VTI1A: variants seen among roughly 807,000 people sequenced by gnomAD.
VTI1A encodes vesicle transport through interaction with t-SNAREs 1A, also known as vesicle transport through interaction with t-SNAREs homolog 1A.
Under a neutral mutation model 34.9 loss-of-function variants are expected in VTI1A, and 22 were observed. The observed-to-expected ratio is 0.63, with a 90% CI of 0.45 to 0.90. The LOEUF (loss-of-function observed/expected upper bound fraction) is 0.90, where lower values mean the gene tolerates loss of function less well. Among genes scored for constraint, VTI1A ranks in the 40% least tolerant of loss-of-function variants. The pLI is 0.00. For missense variants in VTI1A, 268 were observed against 275.6 expected, an observed-to-expected ratio of 0.97 and a Z score of 0.20; for synonymous variants, 87 against 97.3, an observed-to-expected ratio of 0.89 and a Z score of 0.62.
chr10:112,835,532 G>A, the VTI1A span, among the ~76,000 whole-genome samples: 2 of 152,132 alleles, frequency 1.3e-5, no homozygotes, highest in African/African-American at 2.4e-5. Flanking sequence ...TACTGTAAAC[G>A]GCCTTTTATT....
chr10:112,822,201 A>G (rs1429144730), downstream of VTI1A, among the ~76,000 whole-genome samples: 2 of 152,056 alleles, frequency 1.3e-5, no homozygotes, highest in Admixed American at 1.3e-4. Flanking sequence ...AGCTCCCTGG[A>G]GGTTGCCCCG....
At chr10:112,727,541 G>A (rs1199692440) in intron 7 of VTI1A, among the ~76,000 whole-genome samples, 1 of 152,110 alleles carries the variant, frequency 6.6e-6, no homozygotes, top group African/African-American at 2.4e-5. Context: ...CTCATAGAAT[G>A]TGAAATAAAT....
Position 112,815,326 on chromosome 10 carries a change from G to A in VTI1A, c.597G>A (p.Gly199=). ...ACCGCATCCTGCTCGTCATCCTAGGGATCATCGTGGTCATCACCATCCTGA... is the reference window on the plus strand; with the variant it reads ...ACCGCATCCTGCTCGTCATCCTAGGAATCATCGTGGTCATCACCATCCTGA... ...IQNRILLVIL[G]IIVVITILMA... Residue 199 remains glycine (G), a synonymous_variant, in exon 8 of 8, where the codon GGG becomes GGA. Transcript: ENST00000393077. 1 of 1,613,978 alleles carries A rather than the reference G, an allele frequency of 6.2e-7. No individual in the cohort carries two copies.
intron 3 of VTI1A, among the ~76,000 whole-genome samples, chr10:112,517,097 C>G (rs1849808686): frequency 6.6e-6 from 1 of 151,984 alleles, no homozygotes; most frequent in Admixed American, 6.6e-5. Context: ...GGAACACCAG[C>G]ATTCATGGGC....
intron 3 of VTI1A, among the ~76,000 whole-genome samples, chr10:112,471,367 A>ATTTTTTTTTTTTTT (rs576549183): frequency 3.2e-5 from 3 of 94,398 alleles, no homozygotes; most frequent in African/African-American, 4.3e-5. Flanking sequence ...ATTCTTATTG[A>ATTTTTTTTTTTTTT]TTTTTTTTTT....
At chr10:112,546,044 ATATACGTGTATACGCGTATGTGTGTG>A (rs1851094416) in intron 5 of VTI1A, among the ~76,000 whole-genome samples, 1 of 150,352 alleles carries the variant, frequency 6.7e-6, no homozygotes, top group African/African-American at 2.5e-5. Flanking sequence ...ATGTGTGTGT[ATATACGTGTATACGCGTATGTGTGTG>A]TATATACGTG....
intron 1 of VTI1A, chr10:112,450,162 G>A (rs1162722173): frequency 6.6e-6 from 1 of 152,190 alleles, no homozygotes. Context: ...AAAGTGCTGG[G>A]ATTACAGGCG....
chr10:112,459,806 C>T (rs1179860376), intron 1 of VTI1A, among the ~76,000 whole-genome samples: 2 of 152,184 alleles, frequency 1.3e-5, no homozygotes, highest in East Asian at 3.8e-4. Context: ...TGGGTTATAA[C>T]TTGATTGTAT....
the VTI1A span, chr10:112,827,292 T>A: frequency 6.6e-6 from 1 of 152,018 alleles, no homozygotes; most frequent in Non-Finnish European, 1.5e-5. Context: ...TTCCTAATGA[T>A]GGTGCGATTA....
At chr10:112,602,922 A>G (rs1221649523) in intron 5 of VTI1A, among the ~76,000 whole-genome samples, 1 of 152,244 alleles carries the variant, frequency 6.6e-6, no homozygotes, top group African/African-American at 2.4e-5. Context: ...TTGTCCAAAT[A>G]GCCTGCTAAA....
intron 3 of VTI1A, among the ~76,000 whole-genome samples, chr10:112,524,110 C>G (rs1331254234): frequency 6.6e-6 from 1 of 151,774 alleles, no homozygotes; most frequent in East Asian, 1.9e-4. Flanking sequence ...AGCAGTTTGT[C>G]ATTCAAAGGA....
chr10:112,805,362 A>T (rs1853036822), intron 7 of VTI1A, among the ~76,000 whole-genome samples: 1 of 152,202 alleles, frequency 6.6e-6, no homozygotes, highest in South Asian at 2.1e-4. Flanking sequence ...AGTGTCTGTA[A>T]ATAAAGATTG....
At chr10:112,754,142 G>A (rs1851199227) in intron 7 of VTI1A, among the ~76,000 whole-genome samples, 1 of 152,220 alleles carries the variant, frequency 6.6e-6, no homozygotes, top group Admixed American at 6.5e-5. Context: ...CAAGCACGTA[G>A]AGGTTCCTTA....
the VTI1A span, among the ~76,000 whole-genome samples, chr10:112,834,671 C>G: frequency 6.6e-6 from 1 of 152,208 alleles, no homozygotes; most frequent in South Asian, 2.1e-4. Flanking sequence ...ATATGGCTGG[C>G]ATTTAGTTGA....
intron 7 of VTI1A, among the ~76,000 whole-genome samples, chr10:112,738,950 T>A (rs1236099834): frequency 1.3e-5 from 2 of 152,212 alleles, no homozygotes; most frequent in Non-Finnish European, 2.9e-5. Context: ...TTCCACGGCC[T>A]GAACTCGCTC....
At chr10:112,467,480 C>G (rs1257896261) in intron 3 of VTI1A, among the ~76,000 whole-genome samples, 4 of 151,902 alleles carry the variant, frequency 2.6e-5, no homozygotes, top group African/African-American at 9.7e-5. Flanking sequence ...AAAAAAATAG[C>G]AAAAAACCTC....
intron 5 of VTI1A, among the ~76,000 whole-genome samples, chr10:112,608,448 A>AC (rs1845171435): frequency 6.6e-6 from 1 of 152,168 alleles, no homozygotes; most frequent in East Asian, 1.9e-4. Flanking sequence ...GGCCACTTGG[A>AC]CTATAGTTTT....
At chr10:112,819,563 C>T (rs1018553265), downstream of VTI1A, among the ~76,000 whole-genome samples, 2 of 152,154 alleles carry the variant, frequency 1.3e-5, no homozygotes, top group Non-Finnish European at 2.9e-5. Context: ...TTGGGCATCT[C>T]CGTGCCGTCA....
At chr10:112,760,192 G>A (rs1258194804) in intron 7 of VTI1A, among the ~76,000 whole-genome samples, 1 of 152,160 alleles carries the variant, frequency 6.6e-6, no homozygotes, top group Non-Finnish European at 1.5e-5. Flanking sequence ...GACCGCCAGT[G>A]GATGCCTGAA....
Sources: gnomAD v4.1 joint callset for allele counts (sites outside exome capture counted in the v4.1 genomes callset) on GRCh38, gnomAD v4.1.1 for gene constraint, MANE v1.5 for transcripts, NCBI Gene and HGNC (gene_info 2026-07-23, HGNC 2026-07-21) for gene names.